The following MYO1E variants were observed in gnomAD, a reference collection of about 807,000 sequenced individuals.
MYO1E encodes unconventional myosin-Ie.
In MYO1E, 68 loss-of-function variants were observed where a neutral mutation model predicts 151.1. That is an observed-to-expected ratio of 0.45 (90% CI 0.37 to 0.55). The LOEUF is 0.55. Ranked by LOEUF, MYO1E falls within the 20% of genes least tolerant of loss-of-function variation. The probability of loss-of-function intolerance (pLI) is 0.00; values close to 1 mark genes in which losing one functional copy is unlikely to be tolerated. For synonymous variants in MYO1E, 601 were observed against 501.7 expected (o/e 1.20, Z -2.64); for missense variants, 1,363 against 1,389.3 (o/e 0.98, Z 0.30).
intron 1 of MYO1E, among the ~76,000 whole-genome samples, chr15:59,343,189 A>G (rs2080775288): frequency 6.6e-6 from 1 of 152,168 alleles, no homozygotes; most frequent in Admixed American, 6.5e-5. Flanking sequence ...CTTGTAGGAT[A>G]GGCCTGGGGT....
chr15:59,202,270 T>A, intron 16 of MYO1E, 56 bp downstream of exon 16: 1 of 1,504,112 alleles, frequency 6.6e-7, no homozygotes, highest in Non-Finnish European at 9.3e-7. Context: ...AGTTCCTTAC[T>A]CCTAGAAAGC....
intron 26 of MYO1E, among the ~76,000 whole-genome samples, chr15:59,139,403 C>G (rs542747000): frequency 6.6e-6 from 1 of 150,654 alleles, no homozygotes; most frequent in Non-Finnish European, 1.5e-5. Context: ...CCTCCCATCC[C>G]TCATTATTAC....
chr15:59,281,259 T>C (rs1193084224), intron 1 of MYO1E, among the ~76,000 whole-genome samples: 2 of 151,816 alleles, frequency 1.3e-5, no homozygotes, highest in African/African-American at 4.8e-5. Flanking sequence ...CTTTTCCTTT[T>C]CTTTTCTTTT....
chr15:59,273,990 G>A (rs936847502), intron 1 of MYO1E, among the ~76,000 whole-genome samples: 7 of 152,070 alleles, frequency 4.6e-5, no homozygotes, highest in African/African-American at 1.7e-4. Flanking sequence ...CTTTTTGAGA[G>A]GAGAAGATGA....
chr15:59,207,845 G>C, intron 14 of MYO1E: 2 of 1,614,186 alleles, frequency 1.2e-6, no homozygotes, highest in East Asian at 4.5e-5. Flanking sequence ...TGGGCCATTG[G>C]CCTATCTGTG....
At chr15:59,157,854 G>A (rs1387755145) in intron 25 of MYO1E, among the ~76,000 whole-genome samples, 1 of 152,208 alleles carries the variant, frequency 6.6e-6, no homozygotes, top group Non-Finnish European at 1.5e-5. Flanking sequence ...GGGCGTCTTG[G>A]AATGCATCCC....
chr15:59,219,831 T>C (rs916223244), intron 9 of MYO1E, among the ~76,000 whole-genome samples: 2 of 149,754 alleles, frequency 1.3e-5, no homozygotes, highest in Non-Finnish European at 2.9e-5. Flanking sequence ...TTTTGTAGAA[T>C]CTGCAAGTGG....
At chr15:59,257,497 G>C (rs556359917) in intron 3 of MYO1E, among the ~76,000 whole-genome samples, 4 of 152,130 alleles carry the variant, frequency 2.6e-5, no homozygotes, top group African/African-American at 9.6e-5. Flanking sequence ...AAAAGACAGA[G>C]TGATATACAA....
chr15:59,241,479 G>A (rs1402003230), intron 4 of MYO1E, among the ~76,000 whole-genome samples: 2 of 152,182 alleles, frequency 1.3e-5, no homozygotes, highest in South Asian at 2.1e-4. Context: ...ATCACCTTAA[G>A]TCAGGAGTTC....
chr15:59,325,910 G>A (rs1204231477), intron 1 of MYO1E, among the ~76,000 whole-genome samples: 5 of 152,076 alleles, frequency 3.3e-5, no homozygotes, highest in African/African-American at 1.2e-4. Flanking sequence ...TAACCCCCAT[G>A]GCCTATAATC....
chr15:59,322,271 C>T (rs60887939), intron 1 of MYO1E, among the ~76,000 whole-genome samples: 3,708 of 152,036 alleles, frequency 0.024, 151 homozygotes, highest in African/African-American at 0.084. Context: ...CTCAGCATCA[C>T]GCAATATACC....
chr15:59,214,165 C>T, intron 12 of MYO1E, 63 bp downstream of exon 12: 1 of 1,354,458 alleles, frequency 7.4e-7, no homozygotes, highest in Non-Finnish European at 1.0e-6. Flanking sequence ...AGACAGAAAT[C>T]TATACCCTCT....
At chr15:59,239,202 G>C (rs8040220) in intron 4 of MYO1E, among the ~76,000 whole-genome samples, 143,774 of 149,514 alleles carry the variant, frequency 0.96, 69,381 homozygotes, top group East Asian at 1. Flanking sequence ...ATGAAACTGT[G>C]TCAAAAAATA....
At chr15:59,282,350 G>A (rs1286385797) in intron 1 of MYO1E, among the ~76,000 whole-genome samples, 1 of 152,146 alleles carries the variant, frequency 6.6e-6, no homozygotes, top group African/African-American at 2.4e-5. Context: ...AACCCTCCCA[G>A]CCACAGGTGG....
At chr15:59,186,286 G>A (rs2171286) in intron 18 of MYO1E, among the ~76,000 whole-genome samples, 44,108 of 151,428 alleles carry the variant, frequency 0.29, 7,053 homozygotes, top group East Asian at 0.58. Flanking sequence ...ATGGTGAGTC[G>A]GCTGTCCTAA....
rs2242321 is a variant in MYO1E at position 59,174,018 on chromosome 15, T to G, written c.2165-103A>C. On this transcript the variant is annotated intron_variant, in intron 20 of 27. Transcript: ENST00000288235. ...AAAGAAACTCTAAATGATGCAATATTTTTAGCGTGACATTATATGCAAAAT... is the reference window on the plus strand; with the variant it reads ...AAAGAAACTCTAAATGATGCAATATGTTTAGCGTGACATTATATGCAAAAT... The G allele has an allele frequency of 0.074, 111,330 of 1,503,768 alleles. 5,280 individuals carry two copies. Among genetic ancestry groups the G allele is most frequent in the Admixed American group, 0.22 (12,947 of 59,706 alleles). The allele number at this position is 1,503,768 out of a possible 1,614,324, so 93.2% of individuals were successfully genotyped here.
At chr15:59,251,529 A>G (rs576946446) in intron 4 of MYO1E, among the ~76,000 whole-genome samples, 34 of 152,322 alleles carry the variant, frequency 2.2e-4, no homozygotes, top group African/African-American at 8.2e-4. Flanking sequence ...AAGTTTTTAG[A>G]TGATGTTGAA....
intron 1 of MYO1E, among the ~76,000 whole-genome samples, chr15:59,274,751 C>CAG (rs1327834910): frequency 1.3e-5 from 2 of 152,174 alleles, no homozygotes; most frequent in Non-Finnish European, 2.9e-5. Flanking sequence ...TCTCACTGCA[C>CAG]AGAGACACAT....
At chr15:59,234,200 A>G (rs183977064) in intron 5 of MYO1E, among the ~76,000 whole-genome samples, 204 of 150,096 alleles carry the variant, frequency 1.4e-3, no homozygotes, top group Non-Finnish European at 2.3e-3. Context: ...TCTGTTGGAC[A>G]TCACTGATCA....
Sources: allele counts gnomAD v4.1 joint callset (sites outside exome capture counted in the v4.1 genomes callset), GRCh38; gene constraint gnomAD v4.1.1; transcripts MANE v1.5; gene names NCBI Gene and HGNC (gene_info 2026-07-23, HGNC 2026-07-21).